FRMD4A: variants seen among roughly 807,000 people sequenced by gnomAD.
The protein encoded by FRMD4A is FERM domain-containing protein 4A.
A neutral mutation model predicts 129.1 loss-of-function variants in FRMD4A; 29 were observed. The observed-to-expected ratio is 0.22, with a 90% CI of 0.17 to 0.31. The LOEUF (loss-of-function observed/expected upper bound fraction) is 0.31, where lower values mean the gene tolerates loss of function less well. FRMD4A is among the 10% of genes least tolerant of loss of function. The pLI is 1.00. For synonymous variants in FRMD4A, 634 were observed against 571.6 expected (o/e 1.11, Z -1.56); for missense variants, 1,272 against 1,375.8 (o/e 0.92, Z 1.19).
At chr10:14,063,176 T>C (rs1047218042) in intron 2 of FRMD4A, among the ~76,000 whole-genome samples, 7 of 18,866 alleles carry the variant, frequency 3.7e-4, no homozygotes, top group African/African-American at 5.6e-4. Context: ...GGAATAAATC[T>C]GCTTTTTTTT....
chr10:13,804,837 T>A (rs2093333242), intron 4 of FRMD4A, among the ~76,000 whole-genome samples: 1 of 151,410 alleles, frequency 6.6e-6, no homozygotes, highest in African/African-American at 2.4e-5. Context: ...GGATTACAGG[T>A]GTGAACCACC....
At chr10:13,672,307 A>G (rs1465897706) in intron 16 of FRMD4A, among the ~76,000 whole-genome samples, 2 of 152,100 alleles carry the variant, frequency 1.3e-5, no homozygotes, top group African/African-American at 4.8e-5. Flanking sequence ...TAAAAAAAAA[A>G]TGTGGTTCAA....
In FRMD4A at chr10:13,961,055, C is replaced by G. The variant is rs549826757; in HGVS notation, c.46-102143G>C. On this transcript the variant is annotated intron_variant, in intron 2 of 24. Transcript: ENST00000357447. ...AGCTAAAGTTACCTTAATTGATGAC[C>G]CCTATAATAAAAATGGATTGAGCAC... 1.9e-3 allele frequency among the ~76,000 whole-genome samples: 293 copies of G among 152,210 alleles called. 1 individual carries two copies. Among genetic ancestry groups the G allele is most frequent in the Non-Finnish European group, 2.6e-3 (179 of 68,014 alleles).
intron 2 of FRMD4A, among the ~76,000 whole-genome samples, chr10:14,109,441 C>T (rs991046504): frequency 5.9e-5 from 9 of 152,198 alleles, no homozygotes; most frequent in Non-Finnish European, 7.4e-5. Context: ...GAGTGTTACA[C>T]GAAAAAGGCA....
intron 4 of FRMD4A, among the ~76,000 whole-genome samples, chr10:13,807,289 G>A (rs1056797510): frequency 1.3e-5 from 2 of 152,168 alleles, no homozygotes; most frequent in East Asian, 1.9e-4. Flanking sequence ...AGATGCAAAC[G>A]AATCTTGTAC....
At chr10:13,915,915 C>T (rs947353915) in intron 2 of FRMD4A, among the ~76,000 whole-genome samples, 11 of 152,148 alleles carry the variant, frequency 7.2e-5, no homozygotes, top group South Asian at 4.1e-4. Context: ...GGACCAGGCA[C>T]GGCGAACAAA....
At chr10:13,733,168 G>T (rs970187132) in intron 12 of FRMD4A, among the ~76,000 whole-genome samples, 5 of 152,362 alleles carry the variant, frequency 3.3e-5, no homozygotes, top group East Asian at 1.9e-4. Context: ...TGGGATCAGG[G>T]TGTGGGGCTT....
intron 2 of FRMD4A, among the ~76,000 whole-genome samples, chr10:14,226,631 C>T (rs1212189929): frequency 2.0e-5 from 3 of 152,132 alleles, no homozygotes; most frequent in African/African-American, 7.2e-5. Flanking sequence ...ATGTCTGTGT[C>T]CAAACTTGCC....
intron 2 of FRMD4A, among the ~76,000 whole-genome samples, chr10:13,961,384 C>G (rs2095444783): frequency 6.6e-6 from 1 of 152,142 alleles, no homozygotes; most frequent in Non-Finnish European, 1.5e-5. Flanking sequence ...CCAAAATAGG[C>G]CAGCTGGTTT....
intron 2 of FRMD4A, among the ~76,000 whole-genome samples, chr10:13,862,623 T>C (rs2094309989): frequency 6.6e-6 from 1 of 152,228 alleles, no homozygotes; most frequent in South Asian, 2.1e-4. Flanking sequence ...AAGCAAAATG[T>C]CTCTGCAAAC....
At chr10:14,057,484 A>G (rs927249908) in intron 2 of FRMD4A, among the ~76,000 whole-genome samples, 1 of 152,222 alleles carries the variant, frequency 6.6e-6, no homozygotes, top group African/African-American at 2.4e-5. Context: ...AAAAGGCAAC[A>G]TGAGTCAAGC....
intron 2 of FRMD4A, among the ~76,000 whole-genome samples, chr10:14,157,672 C>T (rs1840670319): frequency 6.6e-6 from 1 of 152,230 alleles, no homozygotes; most frequent in Non-Finnish European, 1.5e-5. Context: ...CTTGCACTCA[C>T]ACATCTGTAG....
chr10:14,152,127 T>TTC (rs1205810362), intron 2 of FRMD4A, among the ~76,000 whole-genome samples: 1 of 129,088 alleles, frequency 7.7e-6, no homozygotes, highest in East Asian at 2.2e-4. Flanking sequence ...CTTTTTTTTT[T>TTC]TTTTTTTTTT....
chr10:13,707,836 G>C, intron 12 of FRMD4A: 2 of 985,264 alleles, frequency 2.0e-6, no homozygotes, highest in Non-Finnish European at 2.4e-6. Context: ...GGGAGGGTGA[G>C]AAGTGGAATG....
chr10:14,276,315 C>T (rs1225544953), intron 2 of FRMD4A, among the ~76,000 whole-genome samples: 1 of 152,122 alleles, frequency 6.6e-6, no homozygotes, highest in East Asian at 1.9e-4. Flanking sequence ...AAAGAAGCTA[C>T]GTGTGACCAG....
chr10:14,115,236 C>T (rs141316374), intron 2 of FRMD4A, among the ~76,000 whole-genome samples: 3 of 152,234 alleles, frequency 2.0e-5, no homozygotes, highest in African/African-American at 7.2e-5. Context: ...CAATAGACAC[C>T]TGTGCTGATG....
chr10:14,084,461 A>G (rs1310694977), intron 2 of FRMD4A, among the ~76,000 whole-genome samples: 2 of 152,080 alleles, frequency 1.3e-5, no homozygotes, highest in East Asian at 1.9e-4. Flanking sequence ...TTTTTAATTA[A>G]TATATACCCT....
At chr10:13,805,956 C>T (rs2093351168) in intron 4 of FRMD4A, among the ~76,000 whole-genome samples, 1 of 152,004 alleles carries the variant, frequency 6.6e-6, no homozygotes, top group Non-Finnish European at 1.5e-5. Flanking sequence ...CTCCTGGGTT[C>T]AAGCAATGCT....
At chr10:13,865,403 T>C (rs965659414) in intron 2 of FRMD4A, among the ~76,000 whole-genome samples, 1 of 141,126 alleles carries the variant, frequency 7.1e-6, no homozygotes, top group Non-Finnish European at 1.5e-5. Context: ...TTATTTATTT[T>C]ATTTGTTTTA....
Sources: gnomAD v4.1 joint callset for allele counts (sites outside exome capture counted in the v4.1 genomes callset) on GRCh38, gnomAD v4.1.1 for gene constraint, MANE v1.5 for transcripts, NCBI Gene and HGNC (gene_info 2026-07-23, HGNC 2026-07-21) for gene names.